Variants in PTPRD observed in about 807,000 individuals in gnomAD.
PTPRD encodes the protein receptor-type tyrosine-protein phosphatase delta.
In PTPRD, 34 loss-of-function variants were observed where a neutral mutation model predicts 214.5. The ratio of observed to expected loss-of-function variants is 0.16; its 90% CI spans 0.12 to 0.21. The LOEUF is 0.21. Among genes scored for constraint, PTPRD ranks in the 10% least tolerant of loss-of-function variants. The probability of loss-of-function intolerance (pLI) is 1.00; values close to 1 mark genes in which losing one functional copy is unlikely to be tolerated. For missense variants in PTPRD, 2,545 were observed against 2,398.7 expected (o/e 1.06, Z -1.27); for synonymous variants, 1,128 against 845.7 (o/e 1.33, Z -5.79).
intron 10 of PTPRD, among the ~76,000 whole-genome samples, chr9:9,059,057 A>G (rs1327499109): frequency 6.6e-6 from 1 of 152,146 alleles, no homozygotes; most frequent in Non-Finnish European, 1.5e-5. Flanking sequence ...AAGGAGAAAG[A>G]CTTGGTGGCT....
chr9:10,051,747 C>T (rs2097539379), intron 3 of PTPRD, among the ~76,000 whole-genome samples: 1 of 152,182 alleles, frequency 6.6e-6, no homozygotes, highest in African/African-American at 2.4e-5. Context: ...ACCCTGTACC[C>T]CTTTTCTGTA....
At chr9:9,995,588 T>C (rs1442070988) in intron 4 of PTPRD, among the ~76,000 whole-genome samples, 1 of 152,170 alleles carries the variant, frequency 6.6e-6, no homozygotes, top group Non-Finnish European at 1.5e-5. Flanking sequence ...TTTAGTCAGA[T>C]TGCCTTTTCC....
intron 3 of PTPRD, among the ~76,000 whole-genome samples, chr9:10,299,844 T>C (rs1441851035): frequency 2.0e-5 from 3 of 152,206 alleles, no homozygotes. Flanking sequence ...TTTATCTCTA[T>C]CACTGATGCT....
intron 39 of PTPRD, among the ~76,000 whole-genome samples, chr9:8,350,107 G>C (rs1387736631): frequency 1.3e-5 from 2 of 151,994 alleles, no homozygotes; most frequent in Admixed American, 6.6e-5. Context: ...GATTGAGTTA[G>C]TCCCACGAGT....
chr9:8,372,963 T>C (rs1202441686), intron 39 of PTPRD, among the ~76,000 whole-genome samples: 1 of 151,920 alleles, frequency 6.6e-6, no homozygotes, highest in Non-Finnish European at 1.5e-5. Context: ...ACTACTTCTT[T>C]AATATAGAAA....
rs553367928 is a variant in PTPRD at position 8,781,972 on chromosome 9, C to CT, written c.-103-48027dup. ...TGTTAGCAGTGGACATCCTCAATTT[C>CT]TTTTTTTTTTTATTTTTCAAACGGA... On this transcript the variant is annotated intron_variant, in intron 11 of 45. Coordinates refer to ENST00000381196, the MANE Select transcript of PTPRD (RefSeq NM_002839.4). 4.8e-4 allele frequency among the ~76,000 whole-genome samples: 69 copies of CT among 144,866 alleles called. No homozygotes were observed. The Middle Eastern group carries it at 0.011, about 22-fold the overall frequency.
chr9:9,540,564 T>A (rs2077375893), intron 8 of PTPRD, among the ~76,000 whole-genome samples: 1 of 151,784 alleles, frequency 6.6e-6, no homozygotes, highest in Admixed American at 6.6e-5. Context: ...AGACAGAAGT[T>A]GAGAAAAGAA....
intron 14 of PTPRD, among the ~76,000 whole-genome samples, chr9:8,579,455 T>G (rs2092820259): frequency 6.6e-6 from 1 of 152,120 alleles, no homozygotes; most frequent in African/African-American, 2.4e-5. Flanking sequence ...AACTGGTGAC[T>G]GTTCATTCAT....
intron 11 of PTPRD, among the ~76,000 whole-genome samples, chr9:8,937,531 AC>A (rs1417178967): frequency 6.6e-6 from 1 of 152,048 alleles, no homozygotes; most frequent in Non-Finnish European, 1.5e-5. Context: ...TCCTCTGTGC[AC>A]CCCGCAGTCT....
chr9:9,596,890 A>G (rs986285040), intron 7 of PTPRD, among the ~76,000 whole-genome samples: 4 of 152,090 alleles, frequency 2.6e-5, no homozygotes, highest in African/African-American at 9.7e-5. Context: ...GATCACACAA[A>G]TCAGTATACA....
intron 14 of PTPRD, among the ~76,000 whole-genome samples, chr9:8,582,500 A>T (rs539321536): frequency 2.6e-4 from 39 of 152,308 alleles, no homozygotes; most frequent in Middle Eastern, 3.4e-3. Context: ...ATTTTTTTCA[A>T]TGCATTTAAC....
chr9:9,129,839 C>G (rs1249261531), intron 10 of PTPRD, among the ~76,000 whole-genome samples: 10 of 152,162 alleles, frequency 6.6e-5, no homozygotes, highest in Non-Finnish European at 1.3e-4. Context: ...CAAGGCATGA[C>G]AGCATAGTAT....
At chr9:10,197,020 T>C (rs900618811) in intron 3 of PTPRD, among the ~76,000 whole-genome samples, 1 of 152,132 alleles carries the variant, frequency 6.6e-6, no homozygotes, top group Non-Finnish European at 1.5e-5. Context: ...GCCCCAGAAC[T>C]CTGAGAAATA....
intron 11 of PTPRD, among the ~76,000 whole-genome samples, chr9:9,005,437 CTCA>C (rs1330885444): frequency 3.9e-5 from 6 of 152,062 alleles, no homozygotes; most frequent in South Asian, 4.2e-4. Flanking sequence ...ATTTATAATT[CTCA>C]TGAGAGAGGA....
intron 10 of PTPRD, among the ~76,000 whole-genome samples, chr9:9,094,733 A>G (rs971386502): frequency 2.6e-5 from 4 of 152,218 alleles, no homozygotes; most frequent in African/African-American, 9.6e-5. Flanking sequence ...AATAAATTTC[A>G]TAAAATATTT....
intron 5 of PTPRD, among the ~76,000 whole-genome samples, chr9:9,792,528 C>T (rs1207318704): frequency 1.3e-5 from 2 of 151,942 alleles, no homozygotes; most frequent in South Asian, 4.1e-4. Context: ...CCTAGTAGCC[C>T]TGGAGGAAAA....
intron 2 of PTPRD, among the ~76,000 whole-genome samples, chr9:10,427,828 C>A (rs1435231785): frequency 1.3e-5 from 2 of 151,984 alleles, no homozygotes; most frequent in African/African-American, 4.8e-5. Flanking sequence ...CCGCCTACCT[C>A]CATGTGAATT....
intron 10 of PTPRD, among the ~76,000 whole-genome samples, chr9:9,172,763 T>G (rs2099922246): frequency 6.6e-6 from 1 of 152,120 alleles, no homozygotes; most frequent in Admixed American, 6.6e-5. Context: ...CTATCTAGAA[T>G]TTAACCATTT....
At chr9:9,412,856 T>C (rs955215746) in intron 8 of PTPRD, among the ~76,000 whole-genome samples, 2 of 152,056 alleles carry the variant, frequency 1.3e-5, no homozygotes, top group Non-Finnish European at 2.9e-5. Context: ...GGGGCACTTT[T>C]TGTACTCTCT....
Sources: allele counts gnomAD v4.1 joint callset (sites outside exome capture counted in the v4.1 genomes callset), GRCh38; gene constraint gnomAD v4.1.1; transcripts MANE v1.5; gene names NCBI Gene and HGNC (gene_info 2026-07-23, HGNC 2026-07-21).